The following RIMS2 variants were observed in gnomAD, a reference collection of about 807,000 sequenced individuals.
RIMS2 encodes regulating synaptic membrane exocytosis protein 2.
In RIMS2, 59 loss-of-function variants were observed where a neutral mutation model predicts 174.4. That is an observed-to-expected ratio of 0.34 (90% confidence interval 0.27 to 0.42). RIMS2 has a LOEUF of 0.42. RIMS2 is among the 10% of genes least tolerant of loss of function. The pLI, the probability that RIMS2 is intolerant of heterozygous loss-of-function variation, is 1.00. For missense variants in RIMS2, 1,620 were observed against 1,666.3 expected (o/e 0.97, Z 0.48); for synonymous variants, 606 against 572.5 (o/e 1.06, Z -0.84).
At chr8:104,171,862 T>G (rs1185222246) in intron 19 of RIMS2, among the ~76,000 whole-genome samples, 1 of 152,168 alleles carries the variant, frequency 6.6e-6, no homozygotes, top group Non-Finnish European at 1.5e-5. Context: ...TTAATGTTTA[T>G]TGTTTATTAT....
chr8:104,230,370 G>T (rs1229836967), intron 19 of RIMS2, among the ~76,000 whole-genome samples: 4 of 152,132 alleles, frequency 2.6e-5, no homozygotes, highest in African/African-American at 9.7e-5. Context: ...TATCAGCCAG[G>T]CGCGGTGGCT....
intron 17 of RIMS2, among the ~76,000 whole-genome samples, chr8:103,995,473 A>C (rs1349307407): frequency 6.6e-6 from 1 of 152,010 alleles, no homozygotes; most frequent in Non-Finnish European, 1.5e-5. Context: ...GTGGAGACAG[A>C]GGGAGAATGG....
intron 1 of RIMS2, chr8:103,568,670 T>A: frequency 1.5e-6 from 1 of 672,486 alleles, no homozygotes; most frequent in Non-Finnish European, 2.8e-6. Flanking sequence ...TTTCCCTAGA[T>A]AAACAATATG....
chr8:103,523,394 G>C (rs1001241163), intron 1 of RIMS2, among the ~76,000 whole-genome samples: 2 of 151,838 alleles, frequency 1.3e-5, no homozygotes, highest in Admixed American at 1.3e-4. Flanking sequence ...TTGTGTGTGT[G>C]TTTGTGTGTG....
chr8:103,533,648 C>T (rs542895430), intron 1 of RIMS2, among the ~76,000 whole-genome samples: 30 of 110,044 alleles, frequency 2.7e-4, no homozygotes, highest in East Asian at 7.3e-4. Context: ...GGGGACAAAG[C>T]GAGACCCTGT....
intron 19 of RIMS2, among the ~76,000 whole-genome samples, chr8:104,237,303 T>C (rs1303753864): frequency 6.6e-6 from 1 of 152,186 alleles, no homozygotes; most frequent in African/African-American, 2.4e-5. Flanking sequence ...TAGGTTAGGT[T>C]GTAGTAACAA....
At chr8:104,026,511 A>G (rs1355325436) in intron 19 of RIMS2, among the ~76,000 whole-genome samples, 1 of 152,178 alleles carries the variant, frequency 6.6e-6, no homozygotes, top group African/African-American at 2.4e-5. Context: ...CGTATCACCT[A>G]TTAAAAAGTC....
chr8:103,785,808 T>C (rs2098438075), intron 3 of RIMS2, among the ~76,000 whole-genome samples: 1 of 152,220 alleles, frequency 6.6e-6, no homozygotes, highest in Non-Finnish European at 1.5e-5. Flanking sequence ...GAGGATTCCC[T>C]CTTTTTCTAT....
chr8:103,938,101 G>GA (rs1453442342), intron 13 of RIMS2, among the ~76,000 whole-genome samples: 1 of 152,138 alleles, frequency 6.6e-6, no homozygotes, highest in East Asian at 1.9e-4. Context: ...TTGTACTTGA[G>GA]AAAAGTATTT....
Position 103,767,856 on chromosome 8 carries a change from G to A in RIMS2, c.698+1319G>A, listed in dbSNP as rs1007783979. ...TTAATCTTGTGGGGACTTCCTCTGG[G>A]AGACTGGGTAGAAAGACCTCAGAGT... On this transcript the variant is annotated intron_variant, in intron 3 of 23. Transcript: ENST00000504942. 2.6e-5 allele frequency among the ~76,000 whole-genome samples: 4 copies of A among 152,214 alleles called. No individual in the cohort carries two copies. In the East Asian group the frequency reaches 5.8e-4, roughly 22 times the overall value.
intron 3 of RIMS2, among the ~76,000 whole-genome samples, chr8:103,884,777 AT>A: frequency 6.6e-6 from 1 of 152,054 alleles, no homozygotes; most frequent in South Asian, 2.1e-4. Context: ...AGGTGAACCA[AT>A]ACTAGGAATG....
At chr8:103,603,156 C>T (rs1387575410) in intron 1 of RIMS2, among the ~76,000 whole-genome samples, 2 of 116,470 alleles carry the variant, frequency 1.7e-5, no homozygotes, top group Non-Finnish European at 3.4e-5. Context: ...CCTCCCCCCA[C>T]CCCAACACAG....
intron 2 of RIMS2, among the ~76,000 whole-genome samples, chr8:103,718,091 G>A (rs1234310769): frequency 6.6e-6 from 1 of 152,176 alleles, no homozygotes; most frequent in African/African-American, 2.4e-5. Flanking sequence ...AGCAGTGCAT[G>A]TGAATGCCAT....
intron 2 of RIMS2, among the ~76,000 whole-genome samples, chr8:103,698,787 G>A (rs1205584267): frequency 6.6e-6 from 1 of 151,918 alleles, no homozygotes; most frequent in African/African-American, 2.4e-5. Context: ...ATAAAATTTT[G>A]TTTACAACTT....
chr8:103,952,975 A>G (rs938147615), intron 14 of RIMS2, among the ~76,000 whole-genome samples: 1 of 152,180 alleles, frequency 6.6e-6, no homozygotes, highest in African/African-American at 2.4e-5. Flanking sequence ...ATACATGAGT[A>G]TGATTAGCTG....
intron 6 of RIMS2, among the ~76,000 whole-genome samples, chr8:103,913,507 A>G (rs2076127156): frequency 6.6e-6 from 1 of 152,174 alleles, no homozygotes; most frequent in African/African-American, 2.4e-5. Context: ...AAGAGATATT[A>G]GGAAACTTTG....
chr8:104,202,567 A>C (rs2099060361), intron 19 of RIMS2, among the ~76,000 whole-genome samples: 1 of 152,236 alleles, frequency 6.6e-6, no homozygotes, highest in Non-Finnish European at 1.5e-5. Flanking sequence ...GTTCAAGATC[A>C]AGCGTCCAGC....
At chr8:103,500,743 G>T (rs563391124), upstream of RIMS2, 21 of 538,322 alleles carry the variant, frequency 3.9e-5, no homozygotes, top group Non-Finnish European at 5.6e-5. Flanking sequence ...TCTTGGGGGA[G>T]GGGGGCTGTC....
At chr8:103,504,373 A>G (rs1822224551) in intron 1 of RIMS2, among the ~76,000 whole-genome samples, 1 of 152,160 alleles carries the variant, frequency 6.6e-6, no homozygotes, top group Admixed American at 6.5e-5. Context: ...GAGGTAGCTT[A>G]TCAATTTTGT....
Sources: allele counts gnomAD v4.1 joint callset (sites outside exome capture counted in the v4.1 genomes callset), GRCh38; gene constraint gnomAD v4.1.1; transcripts MANE v1.5; gene names NCBI Gene and HGNC (gene_info 2026-07-23, HGNC 2026-07-21).